ZMAT4: variants seen among roughly 807,000 people sequenced by gnomAD.
The protein encoded by ZMAT4 is zinc finger matrin-type protein 4.
Under a neutral mutation model 28.7 loss-of-function variants are expected in ZMAT4, and 17 were observed. The ratio of observed to expected loss-of-function variants is 0.59; its 90% CI spans 0.41 to 0.89. The LOEUF (loss-of-function observed/expected upper bound fraction) is 0.89. ZMAT4 is among the 40% of genes least tolerant of loss of function. The pLI, the probability that ZMAT4 is intolerant of heterozygous loss-of-function variation, is 0.00. For missense variants in ZMAT4, 240 were observed against 283.8 expected, an observed-to-expected ratio of 0.85 and a Z score of 1.11; for synonymous variants, 117 against 109.2, an observed-to-expected ratio of 1.07 and a Z score of -0.44.
At position 40,844,657 on chromosome 8, in the gene ZMAT4, C is replaced by CTGTGTGTG. The variant is rs71224857; in HGVS notation, c.-4-18985_-4-18978dup. On this transcript the variant is annotated intron_variant, in intron 1 of 6. Coordinates refer to ENST00000297737, the MANE Select transcript of ZMAT4 (RefSeq NM_024645.3). ...CTCTCTCTGCATGCTCTCTCTCATTCTGTGTGTGTGTGTGTGTGTGTGTGT... is the reference window on the plus strand; with the variant it reads ...CTCTCTCTGCATGCTCTCTCTCATTCTGTGTGTGTGTGTGTGTGTGTGTGTGTGTGTGT... Among the ~76,000 whole-genome samples the CTGTGTGTG allele has an allele frequency of 3.3e-3, 465 of 142,488 alleles. 4 individuals carry two copies. The highest frequency in any genetic ancestry group is 7.8e-3 in the African/African-American group (298 of 38,004). 93.5% of individuals were successfully genotyped at this position (142,488 alleles called of 152,430 possible).
chr8:40,559,845 T>C (rs144516897), intron 6 of ZMAT4, among the ~76,000 whole-genome samples: 10 of 152,096 alleles, frequency 6.6e-5, no homozygotes, highest in South Asian at 4.2e-4. Flanking sequence ...AAACACACGT[T>C]TGTGAAATTA....
rs184008644 is a variant in ZMAT4 at position 40,735,332 on chromosome 8, T to G, written c.192+32309A>C. The stretch of plus-strand genomic sequence containing the variant: ...ACATGACTTTAGTCACATAGGAAAT[T>G]TAAATTATATTATACTCAATATTTT... On this transcript the variant is annotated intron_variant, in intron 3 of 6. Coordinates refer to ENST00000297737, the MANE Select transcript of ZMAT4 (RefSeq NM_024645.3). Among the ~76,000 whole-genome samples, 11 of 152,276 alleles carry G rather than the reference T, an allele frequency of 7.2e-5. No homozygotes were observed. In the East Asian group the frequency reaches 1.4e-3, roughly 19 times the overall value.
intron 5 of ZMAT4, among the ~76,000 whole-genome samples, chr8:40,632,049 A>T (rs1416257070): frequency 6.6e-6 from 1 of 152,128 alleles, no homozygotes; most frequent in Non-Finnish European, 1.5e-5. Flanking sequence ...AACCACAGGG[A>T]GCCTTTCCTG....
At chr8:40,894,219 C>G (rs1354827372) in intron 1 of ZMAT4, among the ~76,000 whole-genome samples, 1 of 152,226 alleles carries the variant, frequency 6.6e-6, no homozygotes, top group East Asian at 1.9e-4. Context: ...AGCATCTGCC[C>G]TGTCTGCCTC....
chr8:40,715,047 C>CAAAAAAAAAA (rs10690797), intron 3 of ZMAT4, among the ~76,000 whole-genome samples: 25,249 of 70,654 alleles, frequency 0.36, 5,404 homozygotes, highest in Non-Finnish European at 0.46. Flanking sequence ...GACTCTGTCT[C>CAAAAAAAAAA]AAAAAAAAAA....
intron 1 of ZMAT4, among the ~76,000 whole-genome samples, chr8:40,850,842 T>C (rs1180224529): frequency 6.6e-6 from 1 of 152,202 alleles, no homozygotes; most frequent in Non-Finnish European, 1.5e-5. Context: ...TCAAGTTTTT[T>C]ATTCTCAGAA....
chr8:40,795,464 C>T (rs1276368249), intron 2 of ZMAT4, among the ~76,000 whole-genome samples: 1 of 152,200 alleles, frequency 6.6e-6, no homozygotes, highest in African/African-American at 2.4e-5. Context: ...TAGTTAAGTC[C>T]AGAATTTACA....
chr8:40,715,047 C>CAA (rs10690797), intron 3 of ZMAT4, among the ~76,000 whole-genome samples: 6 of 73,354 alleles, frequency 8.2e-5, no homozygotes, highest in Non-Finnish European at 1.2e-4. Flanking sequence ...GACTCTGTCT[C>CAA]AAAAAAAAAA....
intron 1 of ZMAT4, among the ~76,000 whole-genome samples, chr8:40,849,531 G>A (rs561726169): frequency 1.2e-4 from 19 of 152,242 alleles, no homozygotes; most frequent in African/African-American, 4.6e-4. Flanking sequence ...GATGCCACCT[G>A]TCCCCTGAAG....
intron 5 of ZMAT4, among the ~76,000 whole-genome samples, chr8:40,596,117 A>T (rs1585732708): frequency 6.6e-6 from 1 of 152,208 alleles, no homozygotes; most frequent in African/African-American, 2.4e-5. Context: ...AAACAAAAAA[A>T]ACCCCACAAT....
intron 4 of ZMAT4, among the ~76,000 whole-genome samples, chr8:40,692,940 G>T (rs889447413): frequency 6.6e-6 from 1 of 152,136 alleles, no homozygotes; most frequent in Admixed American, 6.6e-5. Flanking sequence ...TTTGCCAGCT[G>T]CCAGCAGTTA....
chr8:40,838,833 G>C (rs1358818133), intron 1 of ZMAT4, among the ~76,000 whole-genome samples: 2 of 152,140 alleles, frequency 1.3e-5, no homozygotes, highest in East Asian at 3.9e-4. Flanking sequence ...CAAAATAAAG[G>C]GGCGGGACAT....
At chr8:40,593,839 G>A (rs1484884771) in intron 5 of ZMAT4, among the ~76,000 whole-genome samples, 1 of 152,110 alleles carries the variant, frequency 6.6e-6, no homozygotes, top group African/African-American at 2.4e-5. Flanking sequence ...CTAATCTTCG[G>A]TGTCCTTCTA....
intron 5 of ZMAT4, among the ~76,000 whole-genome samples, chr8:40,656,409 G>A (rs1272681505): frequency 6.6e-6 from 1 of 151,940 alleles, no homozygotes; most frequent in East Asian, 1.9e-4. Context: ...TTAAATATAG[G>A]GTTATCATAT....
chr8:40,801,349 AAAATATATATATATATATATATAC>A (rs971546927), intron 2 of ZMAT4, among the ~76,000 whole-genome samples: 4 of 48,766 alleles, frequency 8.2e-5, no homozygotes, highest in Non-Finnish European at 1.6e-4. Context: ...TTTAAAAAAA[AAAATATATATATATATATATATAC>A]ATATATATAT....
At chr8:40,767,022 C>T (rs918036104) in intron 3 of ZMAT4, among the ~76,000 whole-genome samples, 3 of 152,062 alleles carry the variant, frequency 2.0e-5, no homozygotes, top group African/African-American at 7.2e-5. Context: ...GAAAAGTAAC[C>T]CCTGCTGGGA....
intron 5 of ZMAT4, among the ~76,000 whole-genome samples, chr8:40,645,536 T>G (rs1013856951): frequency 3.9e-5 from 6 of 152,176 alleles, no homozygotes; most frequent in African/African-American, 1.4e-4. Flanking sequence ...GAAGAAAATA[T>G]CTATAGAAGA....
In ZMAT4 at chr8:40,571,809, T is replaced by C. The variant is rs7817384; in HGVS notation, c.674+9356A>G. Among the ~76,000 whole-genome samples the C allele has an allele frequency of 3.1e-3, 478 of 152,302 alleles. 3 individuals carry two copies. The highest frequency in any genetic ancestry group is 0.01 in the African/African-American group (422 of 41,566). ...TTTACATTCTTTGGAAAAGGATAGC[T>C]CTATTTTCAATATTTTCTTATGGCC... is the stretch of plus-strand genomic sequence containing the variant. On this transcript the variant is annotated intron_variant, in intron 6 of 6. Transcript: ENST00000297737.
At chr8:40,546,180 C>G (rs781638065) in intron 6 of ZMAT4, among the ~76,000 whole-genome samples, 3 of 151,216 alleles carry the variant, frequency 2.0e-5, no homozygotes, top group Non-Finnish European at 4.4e-5. Context: ...ACATGAATCT[C>G]ATCTTCAATA....
Sources: allele counts gnomAD v4.1 joint callset (sites outside exome capture counted in the v4.1 genomes callset), GRCh38; gene constraint gnomAD v4.1.1; transcripts MANE v1.5; gene names NCBI Gene and HGNC (gene_info 2026-07-23, HGNC 2026-07-21).